Variants in ACER2 observed in about 807,000 individuals in gnomAD.
ACER2 encodes the protein alkaline ceramidase 2, also known as alkCDase 2.
In ACER2, 26 loss-of-function variants were observed where a neutral mutation model predicts 34.7. That is an observed-to-expected ratio of 0.75 (90% CI 0.55 to 1.04). ACER2 has a LOEUF of 1.04. Ranked by LOEUF, ACER2 falls within the 50% of genes least tolerant of loss-of-function variation. ACER2 has a pLI of 0.00. For synonymous variants in ACER2, 138 were observed against 132.1 expected, an observed-to-expected ratio of 1.04 and a Z score of -0.31; for missense variants, 352 against 340.8, an observed-to-expected ratio of 1.03 and a Z score of -0.26.
At chr9:19,419,796 C>T (rs953423275) in intron 1 of ACER2, among the ~76,000 whole-genome samples, 1 of 152,068 alleles carries the variant, frequency 6.6e-6, no homozygotes. Context: ...ACAAAGTGAA[C>T]CAACTAGAAA....
chr9:19,433,766 G>A (rs1338646030), intron 3 of ACER2, among the ~76,000 whole-genome samples: 44 of 151,802 alleles, frequency 2.9e-4, no homozygotes, highest in Admixed American at 4.6e-4. Context: ...CGGATGGGGC[G>A]GCTGGCCGGG....
intron 1 of ACER2, among the ~76,000 whole-genome samples, chr9:19,417,522 T>C (rs1830273338): frequency 6.6e-6 from 1 of 152,136 alleles, no homozygotes; most frequent in Non-Finnish European, 1.5e-5. Context: ...AATAGATATA[T>C]AGACCAATGG....
intron 5 of ACER2, among the ~76,000 whole-genome samples, chr9:19,449,410 G>C (rs1424216580): frequency 6.6e-6 from 1 of 151,992 alleles, no homozygotes; most frequent in Non-Finnish European, 1.5e-5. Context: ...TTGTCATATG[G>C]TACAAATATT....
chr9:19,412,138 C>T (rs919221421), intron 1 of ACER2, among the ~76,000 whole-genome samples: 2 of 152,134 alleles, frequency 1.3e-5, no homozygotes, highest in African/African-American at 4.8e-5. Flanking sequence ...CTTAAAACTC[C>T]TGTCTTGGGA....
chr9:19,411,885 G>A (rs1283669643), intron 1 of ACER2, among the ~76,000 whole-genome samples: 1 of 152,036 alleles, frequency 6.6e-6, no homozygotes, highest in African/African-American at 2.4e-5. Flanking sequence ...AGCTCTGCTG[G>A]GTACTGTATA....
In ACER2 at chr9:19,415,544, A is replaced by G. The variant is rs1006984052; in HGVS notation, c.108+6352A>G. Among the ~76,000 whole-genome samples, 52 of 152,016 alleles carry G rather than the reference A, an allele frequency of 3.4e-4. 1 individual carries two copies. Among genetic ancestry groups the G allele is most frequent in the African/African-American group, 1.1e-3 (45 of 41,472 alleles). The stretch of plus-strand genomic sequence containing the variant: ...AACAAATAAATAAATAAAAATTAAA[A>G]ATTAAAAAAAAGTTTTACATATCAT... On this transcript the variant is annotated intron_variant, in intron 1 of 5. Transcript: ENST00000340967.
At chr9:19,428,023 C>CTTTCT (rs1830628586) in intron 3 of ACER2, among the ~76,000 whole-genome samples, 1 of 86,104 alleles carries the variant, frequency 1.2e-5, no homozygotes. Flanking sequence ...CTTTCCTTTC[C>CTTTCT]TTTCCTTTCC....
intron 4 of ACER2, among the ~76,000 whole-genome samples, chr9:19,436,248 G>T (rs924353183): frequency 2.0e-5 from 3 of 152,108 alleles, no homozygotes; most frequent in East Asian, 1.9e-4. Flanking sequence ...TTGCAGTCTG[G>T]CTCCCCTCCC....
At chr9:19,439,098 C>G (rs1831061586) in intron 4 of ACER2, among the ~76,000 whole-genome samples, 1 of 152,166 alleles carries the variant, frequency 6.6e-6, no homozygotes, top group African/African-American at 2.4e-5. Flanking sequence ...ATATTCTAAT[C>G]TTTGTAAATA....
intron 3 of ACER2, among the ~76,000 whole-genome samples, chr9:19,426,289 T>A (rs554482088): frequency 6.6e-6 from 1 of 151,668 alleles, no homozygotes; most frequent in Non-Finnish European, 1.5e-5. Context: ...TCTTTCTTTC[T>A]TTTTCTGTCT....
chr9:19,430,369 GA>G (rs1830714952), intron 3 of ACER2, among the ~76,000 whole-genome samples: 1 of 152,194 alleles, frequency 6.6e-6, no homozygotes, highest in Non-Finnish European at 1.5e-5. Flanking sequence ...TTCAGTGTGA[GA>G]CCCTAATGGG....
chr9:19,447,766 C>T (rs566018286), intron 5 of ACER2, among the ~76,000 whole-genome samples: 12 of 152,148 alleles, frequency 7.9e-5, no homozygotes, highest in Non-Finnish European at 1.3e-4. Context: ...TATATTTCTG[C>T]TTTGTTTTTC....
At chr9:19,439,211 A>G (rs1343117015) in intron 4 of ACER2, among the ~76,000 whole-genome samples, 1 of 152,204 alleles carries the variant, frequency 6.6e-6, no homozygotes, top group East Asian at 1.9e-4. Context: ...AACAAGTGGT[A>G]GTTTCATGGC....
chr9:19,434,038 G>C (rs1481406524), intron 3 of ACER2, among the ~76,000 whole-genome samples: 2 of 144,662 alleles, frequency 1.4e-5, no homozygotes, highest in African/African-American at 2.8e-5. Flanking sequence ...CGGGCGGAGG[G>C]TCTCCTCACT....
At chr9:19,435,432 G>C (rs551013986) in intron 4 of ACER2, among the ~76,000 whole-genome samples, 1 of 152,300 alleles carries the variant, frequency 6.6e-6, no homozygotes, top group Non-Finnish European at 1.5e-5. Context: ...AAGAGGAAGG[G>C]GGCAGGGAAA....
intron 1 of ACER2, among the ~76,000 whole-genome samples, chr9:19,415,839 A>G (rs776252498): frequency 6.6e-6 from 1 of 152,092 alleles, no homozygotes; most frequent in Non-Finnish European, 1.5e-5. Flanking sequence ...TCCACTGGAA[A>G]ATGGCTAAAC....
At position 19,437,755 on chromosome 9, in the gene ACER2, C is replaced by T. The variant is rs139610712; in HGVS notation, c.503+2671C>T. Among the ~76,000 whole-genome samples, 15 of 152,314 alleles carry T rather than the reference C, an allele frequency of 9.8e-5. No homozygotes were observed. The East Asian group carries it at 2.7e-3, about 27-fold the overall frequency. ...ACTACTTTCCAAAATCCTACCCCTT[C>T]TGCAATGTGCATCCTAGACACCTGC... is the stretch of plus-strand genomic sequence containing the variant. On this transcript the variant is annotated intron_variant, in intron 4 of 5. Coordinates refer to ENST00000340967, the MANE Select transcript of ACER2 (RefSeq NM_001010887.3).
At chr9:19,416,639 C>T (rs1287766908) in intron 1 of ACER2, among the ~76,000 whole-genome samples, 1 of 152,026 alleles carries the variant, frequency 6.6e-6, no homozygotes, top group Non-Finnish European at 1.5e-5. Flanking sequence ...GATTCTCCTG[C>T]CTTAGCCTCC....
intron 4 of ACER2, among the ~76,000 whole-genome samples, chr9:19,445,986 G>A (rs914635484): frequency 7.2e-5 from 11 of 152,126 alleles, no homozygotes; most frequent in Non-Finnish European, 1.6e-4. Context: ...AGAAGAATAG[G>A]TTATGGACTT....
Sources: allele counts gnomAD v4.1 joint callset (sites outside exome capture counted in the v4.1 genomes callset), GRCh38; gene constraint gnomAD v4.1.1; transcripts MANE v1.5; gene names NCBI Gene and HGNC (gene_info 2026-07-23, HGNC 2026-07-21).